The following BRIP1 variants were observed in gnomAD, a reference collection of about 807,000 sequenced individuals.
BRIP1 encodes BRCA1 interacting DNA helicase 1.
A neutral mutation model predicts 119.7 loss-of-function variants in BRIP1; 88 were observed. The observed-to-expected ratio is 0.74, with a 90% confidence interval of 0.62 to 0.88. The LOEUF (loss-of-function observed/expected upper bound fraction) is 0.88, where lower values mean the gene tolerates loss of function less well. BRIP1 is among the 40% of genes least tolerant of loss of function. BRIP1 has a pLI of 0.00. For synonymous variants in BRIP1, 443 were observed against 496.5 expected (o/e 0.89, Z 1.43); for missense variants, 1,259 against 1,455.4 (o/e 0.87, Z 2.20).
chr17:61,712,305 C>T (rs900997258), intron 17 of BRIP1, among the ~76,000 whole-genome samples: 59 of 152,044 alleles, frequency 3.9e-4, no homozygotes, highest in African/African-American at 1.4e-3. Context: ...CCTCCACCTA[C>T]CAGGTTCAAG....
At position 61,717,552 on chromosome 17, in the gene BRIP1, T is replaced by C. The variant is rs1360692172; in HGVS notation, c.2380-1489A>G. 6.6e-6 allele frequency among the ~76,000 whole-genome samples: 1 copy of C among 152,142 alleles called. No homozygotes were observed. Among genetic ancestry groups the C allele is most frequent in the Non-Finnish European group, 1.5e-5 (1 of 68,006 alleles). ...TTCTTTTGTTAAAGACGGCTTTTCA[T>C]TGTTTTCTGATTTGCATAGTTCTGA... is the stretch of plus-strand genomic sequence containing the variant. On this transcript the variant is annotated intron_variant, in intron 16 of 19. Transcript: ENST00000259008. The surrounding 1 kb of genome is among the most constrained non-coding windows in gnomAD (Gnocchi z 4.1).
intron 4 of BRIP1, among the ~76,000 whole-genome samples, chr17:61,849,876 C>T (rs1019751449): frequency 2.0e-5 from 3 of 152,194 alleles, no homozygotes; most frequent in Non-Finnish European, 4.4e-5. Flanking sequence ...AACATCCATA[C>T]ATGTAACCTC....
In BRIP1 at chr17:61,774,602, T is replaced by C. The variant is rs2077506520; in HGVS notation, c.2097+1799A>G. 2.0e-5 allele frequency among the ~76,000 whole-genome samples: 3 copies of C among 151,804 alleles called. No individual in the cohort carries two copies. In the South Asian group the frequency reaches 6.2e-4, roughly 32 times the overall value. On this transcript the variant is annotated intron_variant, in intron 14 of 19. Transcript: ENST00000259008. The surrounding 1 kb of genome is among the most constrained non-coding windows in gnomAD (Gnocchi z 5.8). ...AGTATAATAATAAAAAAAGAAACTA[T>C]GAGATAATAAATGTTTACTGTTTTA...
intron 14 of BRIP1, among the ~76,000 whole-genome samples, chr17:61,765,406 TATATATATATATATA>T (rs1477985260): frequency 3.8e-3 from 64 of 16,736 alleles, no homozygotes; most frequent in Non-Finnish European, 5.9e-3. Flanking sequence ...TATATATATA[TATATATATATATATA>T]TATTTTTTTT....
intron 17 of BRIP1, among the ~76,000 whole-genome samples, chr17:61,715,069 G>A (rs997335606): frequency 3.3e-5 from 5 of 151,486 alleles, no homozygotes; most frequent in Admixed American, 6.6e-5. Context: ...GCATGGTGGC[G>A]CACGCCTGTA....
rs786202553 is a variant in BRIP1 at position 61,793,708 on chromosome 17, T to G, written c.1362A>C (p.Glu454Asp). ...SLINWLEANA[E>D]YLVERDYESA... ...ATTCATAATCTCTTTCTACAAGATATTCAGCGTTTGCTTCTAACCAACTGA... is the reference window on the plus strand; with the variant it reads ...ATTCATAATCTCTTTCTACAAGATAGTCAGCGTTTGCTTCTAACCAACTGA... Residue 454 changes from glutamate (E) to aspartate (D), a missense_variant, in exon 10 of 20, where the codon GAA becomes GAC. Transcript: ENST00000259008. This position sits in a 1 kb window ranked among gnomAD's most constrained non-coding sequence, Gnocchi z 5.2. The G allele has an allele frequency of 6.2e-7, 1 of 1,610,820 alleles. No individual in the cohort carries two copies. The highest frequency in any genetic ancestry group is 8.5e-7 in the Non-Finnish European group (1 of 1,178,724).
rs1472169697 is a variant in BRIP1 at position 61,743,459 on chromosome 17, T to C, written c.2258-325A>G. The stretch of plus-strand genomic sequence containing the variant: ...CAGGTTTATTTAATAAAAATTGAAG[T>C]TGCATTATTACCTTTACCACCTGAA... On this transcript the variant is annotated intron_variant, in intron 15 of 19. Coordinates refer to ENST00000259008, the MANE Select transcript of BRIP1 (RefSeq NM_032043.3). This position sits in a 1 kb window ranked among gnomAD's most constrained non-coding sequence, Gnocchi z 4.3. 2.6e-5 allele frequency among the ~76,000 whole-genome samples: 4 copies of C among 152,180 alleles called. No homozygotes were observed.
At chr17:61,839,242 ATTTAC>A (rs2078623392) in intron 6 of BRIP1, among the ~76,000 whole-genome samples, 1 of 152,054 alleles carries the variant, frequency 6.6e-6, no homozygotes, top group African/African-American at 2.4e-5. Context: ...TTTACTAAAA[ATTTAC>A]TTAACATACA....
rs1286686503 is a variant in BRIP1, at chr17:61,803,342, C to A, written c.919-1868G>T. 6.6e-6 allele frequency among the ~76,000 whole-genome samples: 1 copy of A among 152,170 alleles called. No homozygotes were observed. Among genetic ancestry groups the A allele is most frequent in the Non-Finnish European group, 1.5e-5 (1 of 68,018 alleles). ...CAAGCGATCCGCCTGCCTCGGCCTC[C>A]CAAAGTGCTGGGGATTACAGGCATG... is the stretch of plus-strand genomic sequence containing the variant. On this transcript the variant is annotated intron_variant, in intron 7 of 19. Transcript: ENST00000259008. This position sits in a 1 kb window ranked among gnomAD's most constrained non-coding sequence, Gnocchi z 4.3.
rs2145087970 is a variant in BRIP1, at chr17:61,780,775, C to T, written c.1794+65G>A. On this transcript the variant is annotated intron_variant, in intron 12 of 19. Coordinates refer to ENST00000259008, the MANE Select transcript of BRIP1 (RefSeq NM_032043.3). The surrounding 1 kb of genome is among the most constrained non-coding windows in gnomAD (Gnocchi z 5.4). The stretch of plus-strand genomic sequence containing the variant: ...AAACAACTATCTTTAAAAGAGTCAA[C>T]CACATTTATTAAAATGCTGGTACTG... 1 of 1,518,966 alleles carries T rather than the reference C, an allele frequency of 6.6e-7. No individual in the cohort carries two copies. The allele number at this position is 1,518,966 out of a possible 1,614,324, so 94.1% of individuals were successfully genotyped here. A position where few individuals can be genotyped will look rare whatever the true frequency, so the allele number is the denominator to read the frequency against.
chr17:61,771,830 C>T (rs542178859), intron 14 of BRIP1, among the ~76,000 whole-genome samples: 72 of 151,938 alleles, frequency 4.7e-4, no homozygotes, highest in African/African-American at 1.6e-3. Context: ...GACATGTTGG[C>T]GGACACCTGT....
At chr17:61,719,224 G>A (rs1012167159) in intron 16 of BRIP1, among the ~76,000 whole-genome samples, 2 of 148,444 alleles carry the variant, frequency 1.3e-5, no homozygotes, top group Admixed American at 1.4e-4. Context: ...ACCAAGATAT[G>A]GAATCAACCT....
intron 17 of BRIP1, among the ~76,000 whole-genome samples, chr17:61,697,006 G>A (rs530707402): frequency 5.1e-5 from 4 of 78,044 alleles, no homozygotes; most frequent in African/African-American, 1.9e-4. Context: ...AAAAAAAAGG[G>A]GGGGGGAAGT....
intron 18 of BRIP1, among the ~76,000 whole-genome samples, chr17:61,692,464 AAAAC>A (rs941429478): frequency 2.6e-5 from 4 of 152,186 alleles, no homozygotes; most frequent in African/African-American, 4.8e-5. Flanking sequence ...CTCAATAGAA[AAAAC>A]AAACAAAAAA....
rs876658746 is a variant in BRIP1, at chr17:61,683,756, T to C, written c.3290A>G (p.Glu1097Gly). The C allele has an allele frequency of 6.2e-7, 1 of 1,614,202 alleles. No homozygotes were observed. The change falls in exon 20 of 20, where the codon GAA becomes GGA. Residue 1097 changes from glutamate (E) to glycine (G), a missense_variant. Transcript: ENST00000259008. The surrounding 1 kb of genome is among the most constrained non-coding windows in gnomAD (Gnocchi z 4.7). ...NHSEHPLCSEEALDPDIELSL... is the reference protein window; with the variant it reads ...NHSEHPLCSEGALDPDIELSL... ...CAATTCAATGTCTGGATCCAGGGCT[T>C]CTTCAGAACAGAGCGGATGTTCAGA...
intron 17 of BRIP1, among the ~76,000 whole-genome samples, chr17:61,702,194 G>T (rs2061624707): frequency 6.6e-6 from 1 of 152,088 alleles, no homozygotes; most frequent in Admixed American, 6.6e-5. Context: ...CCAATTTGCT[G>T]GCACTCTGTT....
intron 14 of BRIP1, among the ~76,000 whole-genome samples, chr17:61,764,204 T>A (rs1177753381): frequency 6.6e-6 from 1 of 152,188 alleles, no homozygotes. Flanking sequence ...TCCCCTTGCA[T>A]AAACCTCATT....
intron 16 of BRIP1, 22 bp from the exon 17 acceptor site, chr17:61,716,085 T>A: frequency 2.2e-6 from 3 of 1,387,894 alleles, no homozygotes; most frequent in Non-Finnish European, 3.0e-6. Flanking sequence ...AAAATATATT[T>A]AAAAAATTAG....
Position 61,720,587 on chromosome 17 carries a change from G to A in BRIP1, c.2380-4524C>T, listed in dbSNP as rs1346549300. On this transcript the variant is annotated intron_variant, in intron 16 of 19. Coordinates refer to ENST00000259008, the MANE Select transcript of BRIP1 (RefSeq NM_032043.3). This position sits in a 1 kb window ranked among gnomAD's most constrained non-coding sequence, Gnocchi z 4.3. ...TTTAAATTGCCCACTGTTCTGAGTA[G>A]CATGATGACATCTCATGCTATATCC... Among the ~76,000 whole-genome samples, 1 of 152,144 alleles carries A rather than the reference G, an allele frequency of 6.6e-6. No homozygotes were observed. Among genetic ancestry groups the A allele is most frequent in the Non-Finnish European group, 1.5e-5 (1 of 68,032 alleles).
Sources: gnomAD v4.1 joint callset for allele counts (sites outside exome capture counted in the v4.1 genomes callset) on GRCh38, gnomAD v4.1.1 for gene constraint, Gnocchi (gnomAD v3.1) non-coding constraint, MANE v1.5 for transcripts, NCBI Gene and HGNC (gene_info 2026-07-23, HGNC 2026-07-21) for gene names.